Variants in STXBP4 observed in about 807,000 individuals in gnomAD.
STXBP4 encodes the protein syntaxin-binding protein 4.
In STXBP4, 55 loss-of-function variants were observed where a neutral mutation model predicts 76.1. That is an observed-to-expected ratio of 0.72 (90% CI 0.58 to 0.91). The LOEUF (loss-of-function observed/expected upper bound fraction) is 0.91. STXBP4 is among the 40% of genes least tolerant of loss of function. The pLI, the probability that STXBP4 is intolerant of heterozygous loss-of-function variation, is 0.00. For missense variants in STXBP4, 618 were observed against 636.9 expected, an observed-to-expected ratio of 0.97 and a Z score of 0.32; for synonymous variants, 201 against 220.2, an observed-to-expected ratio of 0.91 and a Z score of 0.77.
intron 16 of STXBP4, among the ~76,000 whole-genome samples, chr17:55,121,202 A>T (rs1480490984): frequency 6.6e-6 from 1 of 152,236 alleles, no homozygotes; most frequent in Non-Finnish European, 1.5e-5. Context: ...AAAGTTTAAG[A>T]TATTAAGTAT....
chr17:54,981,062 C>T (rs2077544537), intron 1 of STXBP4, among the ~76,000 whole-genome samples: 1 of 151,914 alleles, frequency 6.6e-6, no homozygotes, highest in Non-Finnish European at 1.5e-5. Flanking sequence ...AAAGATTGGC[C>T]ACCCCTGCTA....
chr17:55,184,522 C>T, the STXBP4 span, among the ~76,000 whole-genome samples: 1 of 152,118 alleles, frequency 6.6e-6, no homozygotes, highest in Admixed American at 6.5e-5. Context: ...GTATTCCTTT[C>T]GTGTGCTTTT....
chr17:55,189,928 G>A, the STXBP4 span, among the ~76,000 whole-genome samples: 1 of 152,126 alleles, frequency 6.6e-6, no homozygotes, highest in Admixed American at 6.6e-5. Flanking sequence ...TAGAAGAGTA[G>A]AGAAAATAAC....
chr17:55,197,721 T>C, the STXBP4 span, among the ~76,000 whole-genome samples: 1 of 149,630 alleles, frequency 6.7e-6, no homozygotes, highest in African/African-American at 2.5e-5. Flanking sequence ...CTAGCCTGGG[T>C]GACAGAGTGA....
chr17:55,074,120 C>G (rs2079153477), intron 13 of STXBP4, among the ~76,000 whole-genome samples: 1 of 152,100 alleles, frequency 6.6e-6, no homozygotes, highest in Admixed American at 6.5e-5. Flanking sequence ...CTAATCCAAT[C>G]AGTTTCTAAG....
the STXBP4 span, among the ~76,000 whole-genome samples, chr17:55,197,202 A>T: frequency 2.0e-5 from 3 of 152,210 alleles, no homozygotes; most frequent in African/African-American, 7.2e-5. Flanking sequence ...GGTGATTCTA[A>T]TGTGCAGACA....
chr17:55,168,666 T>G lies in STXBP4; in HGVS notation c.*8755T>G, dbSNP rs1268905278. 2 of 152,252 alleles carry G rather than the reference T, an allele frequency of 1.3e-5. No homozygotes were observed. The highest frequency in any genetic ancestry group is 4.8e-5 in the African/African-American group (2 of 41,476). 9.4% of individuals were successfully genotyped at this position (152,252 alleles called of 1,614,324 possible). A position where few individuals can be genotyped will look rare whatever the true frequency, so the allele number is the denominator to read the frequency against. Reference sequence around the variant, plus strand: ...ATTAATTATGATATTTACAAAGCTCTGTACATTCAGAATTGAACTCTTTCT... The same window carrying G: ...ATTAATTATGATATTTACAAAGCTCGGTACATTCAGAATTGAACTCTTTCT... On this transcript the variant is annotated 3_prime_UTR_variant, in exon 18 of 18. Coordinates refer to ENST00000376352, the MANE Select transcript of STXBP4 (RefSeq NM_178509.6).
the STXBP4 span, among the ~76,000 whole-genome samples, chr17:55,209,980 G>A: frequency 1.3e-5 from 2 of 152,198 alleles, no homozygotes; most frequent in Admixed American, 6.5e-5. Flanking sequence ...GTAAGGATGC[G>A]TCTATGTGAG....
Position 55,170,195 on chromosome 17 carries a change from T to TA in STXBP4, c.*10291dup, listed in dbSNP as rs977213506. 9 of 151,904 alleles carry TA rather than the reference T, an allele frequency of 5.9e-5. No individual in the cohort carries two copies. The highest frequency in any genetic ancestry group is 1.9e-4 in the African/African-American group (8 of 41,364). The allele number at this position is 151,904 out of a possible 1,614,324, so 9.4% of individuals were successfully genotyped here. ...AAATGACCCCAAGTTTAGACCAAAATAAAAAAATGCTTAAAAGGCTTATTA... is the reference window on the plus strand; with the variant it reads ...AAATGACCCCAAGTTTAGACCAAAATAAAAAAAATGCTTAAAAGGCTTATTA... On this transcript the variant is annotated 3_prime_UTR_variant, in exon 18 of 18. Transcript: ENST00000376352.
chr17:55,124,202 G>A (rs1048365097), intron 16 of STXBP4, among the ~76,000 whole-genome samples: 1 of 152,140 alleles, frequency 6.6e-6, no homozygotes, highest in Non-Finnish European at 1.5e-5. Context: ...TGAGATGGAG[G>A]TCCAAATGAT....
At chr17:54,975,190 G>A (rs2077454341) in intron 1 of STXBP4, among the ~76,000 whole-genome samples, 1 of 152,204 alleles carries the variant, frequency 6.6e-6, no homozygotes, top group Non-Finnish European at 1.5e-5. Context: ...CCAGGCTGGA[G>A]TGCAATGGCA....
intron 1 of STXBP4, among the ~76,000 whole-genome samples, chr17:54,979,392 CAGGAATCTGGTT>C (rs1368474161): frequency 6.6e-6 from 1 of 152,272 alleles, no homozygotes; most frequent in East Asian, 1.9e-4. Flanking sequence ...ATTGCTCTAT[CAGGAATCTGGTT>C]ACTTTATATA....
chr17:55,195,653 C>A, the STXBP4 span, among the ~76,000 whole-genome samples: 4 of 152,136 alleles, frequency 2.6e-5, no homozygotes, highest in Non-Finnish European at 4.4e-5. Flanking sequence ...CCAGGCTGGT[C>A]TTGAACTCCT....
At position 55,077,209 on chromosome 17, in the gene STXBP4, G is replaced by A. The variant is rs116058688; in HGVS notation, c.1189-869G>A. 9.9e-3 allele frequency among the ~76,000 whole-genome samples: 1,506 copies of A among 152,104 alleles called. 20 individuals carry two copies. The highest frequency in any genetic ancestry group is 0.034 in the African/African-American group (1,404 of 41,496). ...TGTTTAGTGATTTTTGTTTGTGTCT[G>A]TGAGATCATGTTCTATCAATGCATT... On this transcript the variant is annotated intron_variant, in intron 13 of 17. Transcript: ENST00000376352.
At chr17:55,009,648 A>G (rs559716245) in intron 8 of STXBP4, among the ~76,000 whole-genome samples, 22 of 152,288 alleles carry the variant, frequency 1.4e-4, no homozygotes, top group Admixed American at 7.8e-4. Context: ...CCAGTTTTAC[A>G]TCAAAGAAAC....
intron 12 of STXBP4, among the ~76,000 whole-genome samples, chr17:55,068,753 G>T (rs989944815): frequency 3.3e-5 from 5 of 152,000 alleles, no homozygotes; most frequent in Non-Finnish European, 5.9e-5. Context: ...AATAAAATAG[G>T]TGTGATTTTC....
intron 17 of STXBP4, among the ~76,000 whole-genome samples, chr17:55,148,562 G>T: frequency 6.7e-6 from 1 of 148,414 alleles, no homozygotes; most frequent in Non-Finnish European, 1.5e-5. Flanking sequence ...TTTTTGAGAC[G>T]AAGTCTCGCT....
At chr17:55,075,406 T>C (rs1443846265) in intron 13 of STXBP4, among the ~76,000 whole-genome samples, 5 of 152,196 alleles carry the variant, frequency 3.3e-5, no homozygotes. Context: ...ATTGTGTGGA[T>C]ATACTACGTG....
chr17:55,035,607 T>C (rs1001707087), intron 10 of STXBP4, among the ~76,000 whole-genome samples: 9 of 151,932 alleles, frequency 5.9e-5, no homozygotes, highest in Non-Finnish European at 1.3e-4. Context: ...TTTTCTTCCA[T>C]ATTGAATTAT....
Sources: gnomAD v4.1 joint callset for allele counts (sites outside exome capture counted in the v4.1 genomes callset) on GRCh38, gnomAD v4.1.1 for gene constraint, MANE v1.5 for transcripts, NCBI Gene and HGNC (gene_info 2026-07-23, HGNC 2026-07-21) for gene names.